SLCO2A1: variants seen among roughly 807,000 people sequenced by gnomAD.
The protein encoded by SLCO2A1 is solute carrier organic anion transporter family member 2A1.
A neutral mutation model predicts 71.7 loss-of-function variants in SLCO2A1; 60 were observed. That is an observed-to-expected ratio of 0.84 (90% CI 0.68 to 1.04). SLCO2A1 has a LOEUF of 1.04. SLCO2A1 is among the 50% of genes least tolerant of loss of function. The pLI is 0.00. For missense variants in SLCO2A1, 745 were observed against 813.4 expected (o/e 0.92, Z 1.02); for synonymous variants, 308 against 326.7 (o/e 0.94, Z 0.62).
At chr3:133,961,111 G>A (rs899663305) in intron 3 of SLCO2A1, among the ~76,000 whole-genome samples, 10 of 152,060 alleles carry the variant, frequency 6.6e-5, no homozygotes, top group African/African-American at 2.4e-4. Flanking sequence ...AAAATCATGA[G>A]GGGTCAGTGC....
chr3:133,959,596 G>A (rs114673329), intron 3 of SLCO2A1, among the ~76,000 whole-genome samples: 2 of 152,182 alleles, frequency 1.3e-5, no homozygotes, highest in South Asian at 2.1e-4. Context: ...AGGCCAAGAG[G>A]GGCAGATTGC....
In SLCO2A1 at chr3:133,985,664, T is replaced by A. The variant is rs536730371; in HGVS notation, c.97-6046A>T. On this transcript the variant is annotated intron_variant, in intron 1 of 13. Coordinates refer to ENST00000310926, the MANE Select transcript of SLCO2A1 (RefSeq NM_005630.3). ...ATTTCCTCCCACCAGAATATAGACT[T>A]CATGGTGGAAATACAATGTGTGTTT... Among the ~76,000 whole-genome samples, 3 of 152,334 alleles carry A rather than the reference T, an allele frequency of 2.0e-5. No homozygotes were observed. In the South Asian group the frequency reaches 6.2e-4, roughly 32 times the overall value.
At chr3:134,027,502 A>G in intron 1 of SLCO2A1, among the ~76,000 whole-genome samples, 1 of 152,182 alleles carries the variant, frequency 6.6e-6, no homozygotes, top group East Asian at 1.9e-4. Flanking sequence ...TAGAGTTGTG[A>G]GCCCTTAAAA....
At chr3:134,000,615 G>C (rs1935087307) in intron 1 of SLCO2A1, among the ~76,000 whole-genome samples, 1 of 152,140 alleles carries the variant, frequency 6.6e-6, no homozygotes, top group Non-Finnish European at 1.5e-5. Flanking sequence ...TCTAGGAAAA[G>C]GCAGCCTCAC....
chr3:133,974,749 C>T (rs1291548821), intron 2 of SLCO2A1, among the ~76,000 whole-genome samples: 4 of 152,160 alleles, frequency 2.6e-5, no homozygotes, highest in South Asian at 2.1e-4. Flanking sequence ...CTTCTGACCA[C>T]GTCTCCACCA....
chr3:133,935,806 G>T lies in SLCO2A1; in HGVS notation c.1782C>A (p.Cys594Ter). 6.2e-7 allele frequency: 1 copy of T among 1,609,964 alleles called. No homozygotes were observed. Among genetic ancestry groups the T allele is most frequent in the South Asian group, 1.1e-5 (1 of 90,206 alleles). The change falls in exon 13 of 14, where the codon TGC becomes TGA. Residue 594 changes from cysteine (C) to a stop codon, truncating the protein, a stop_gained. Coordinates refer to ENST00000310926, the MANE Select transcript of SLCO2A1 (RefSeq NM_005630.3). LOFTEE classifies it high-confidence loss of function. ...GGAGAGCATCGTTGTCATAGTAGGC[G>T]CAGGCCCCTCGCCTCCCCAAGCACA... Reference protein sequence around the residue: ...NSLCLGRRGACAYYDNDALRD... With the variant: ...NSLCLGRRGA
At chr3:134,027,214 T>C (rs1156685019) in intron 1 of SLCO2A1, among the ~76,000 whole-genome samples, 1 of 152,178 alleles carries the variant, frequency 6.6e-6, no homozygotes, top group South Asian at 2.1e-4. Flanking sequence ...TATTGTCTTA[T>C]GCCCAATTTC....
rs972574271 is a variant in SLCO2A1 at position 133,974,472 on chromosome 3, C to T, written c.235-647G>A. ...ACCAAGGCTTAACTAGAGTTGTCTG[C>T]CACCTCTTGGAGAAGAGGGTTTCTG... is the stretch of plus-strand genomic sequence containing the variant. On this transcript the variant is annotated intron_variant, in intron 2 of 13. Transcript: ENST00000310926. Among the ~76,000 whole-genome samples the T allele has an allele frequency of 7.9e-5, 12 of 152,230 alleles. 1 individual carries two copies. The highest frequency in any genetic ancestry group is 5.8e-4 in the East Asian group (3 of 5,198).
In SLCO2A1 at chr3:133,959,397, CA is replaced by C. The variant is rs112457858; in HGVS notation, c.398-4205del. On this transcript the variant is annotated intron_variant, in intron 3 of 13. Coordinates refer to ENST00000310926, the MANE Select transcript of SLCO2A1 (RefSeq NM_005630.3). ...TCATACCCATCAGGATGGCTATTAC[CA>C]AAAAAAAAAAAAACAGAAAACGAGT... 4.7e-3 allele frequency among the ~76,000 whole-genome samples: 581 copies of C among 123,828 alleles called. 3 individuals carry two copies. The highest frequency in any genetic ancestry group is 6.0e-3 in the Admixed American group (73 of 12,140). 81.2% of individuals were successfully genotyped at this position (123,828 alleles called of 152,430 possible). A position where few individuals can be genotyped will look rare whatever the true frequency, so the allele number is the denominator to read the frequency against.
intron 8 of SLCO2A1, 37 bp downstream of exon 8, chr3:133,948,499 C>A (rs751295045): frequency 3.1e-6 from 5 of 1,588,964 alleles, no homozygotes; most frequent in Admixed American, 3.4e-5. Flanking sequence ...CTGGCCCAGG[C>A]AAGCCCTGCG....
intron 1 of SLCO2A1, among the ~76,000 whole-genome samples, chr3:133,992,920 A>T (rs35105748): frequency 0.083 from 12,368 of 149,702 alleles, 616 homozygotes; most frequent in East Asian, 0.2. Context: ...AGATGTCATG[A>T]GTGTGGGTGC....
At chr3:133,963,881 C>T (rs1031054249) in intron 3 of SLCO2A1, among the ~76,000 whole-genome samples, 1 of 152,190 alleles carries the variant, frequency 6.6e-6, no homozygotes, top group African/African-American at 2.4e-5. Flanking sequence ...CTGGCAACAC[C>T]CACTGGCAGG....
intron 1 of SLCO2A1, among the ~76,000 whole-genome samples, chr3:134,001,660 A>G (rs1354279749): frequency 6.6e-6 from 1 of 152,146 alleles, no homozygotes; most frequent in Non-Finnish European, 1.5e-5. Context: ...AAGGTGGGAG[A>G]AACGGAATGA....
intron 10 of SLCO2A1, among the ~76,000 whole-genome samples, chr3:133,944,123 G>C (rs1219035380): frequency 6.6e-6 from 1 of 152,144 alleles, no homozygotes; most frequent in Non-Finnish European, 1.5e-5. Flanking sequence ...ACTTGTACTT[G>C]CTGCTCCCTT....
At chr3:133,944,356 C>T in intron 10 of SLCO2A1, among the ~76,000 whole-genome samples, 1 of 152,244 alleles carries the variant, frequency 6.6e-6, no homozygotes, top group Non-Finnish European at 1.5e-5. Flanking sequence ...ATCCTCAGCA[C>T]TCACGGCTGT....
In SLCO2A1 at chr3:133,945,014, G is replaced by A. The variant is rs1022535119; in HGVS notation, c.1461+81C>T. The stretch of plus-strand genomic sequence containing the variant: ...GTGGAGCCCTGCCTATCCTGGAGCC[G>A]AGAAACAGTCTTTGAGGGCATGCGC... On this transcript the variant is annotated intron_variant, in intron 10 of 13. Transcript: ENST00000310926. 99 of 1,486,606 alleles carry A rather than the reference G, an allele frequency of 6.7e-5. 1 individual carries two copies. Among genetic ancestry groups the A allele is most frequent in the Non-Finnish European group, 7.6e-5 (84 of 1,102,696 alleles). 92.1% of individuals were successfully genotyped at this position (1,486,606 alleles called of 1,614,324 possible).
rs766358981 is a variant in SLCO2A1, at chr3:133,942,798, G to A, written c.1462-30C>T. 2.5e-5 allele frequency: 39 copies of A among 1,574,336 alleles called. No homozygotes were observed. The South Asian group carries it at 3.1e-4, about 12-fold the overall frequency. ...AAGAGGAAGGGGAGGGAAAAAGGGGGAAATTTGTTATTATTTCACTTTCAC... is the reference window on the plus strand; with the variant it reads ...AAGAGGAAGGGGAGGGAAAAAGGGGAAAATTTGTTATTATTTCACTTTCAC... On this transcript the variant is annotated intron_variant, in intron 10 of 13. Transcript: ENST00000310926.
intron 3 of SLCO2A1, among the ~76,000 whole-genome samples, chr3:133,965,626 A>AGTGGTTGGAAGGGTGATACCTG (rs1553754860): frequency 6.6e-6 from 1 of 151,826 alleles, no homozygotes; most frequent in Admixed American, 6.6e-5. Flanking sequence ...TCAGCTAGTC[A>AGTGGTTGGAAGGGTGATACCTG]GCTTGGCACA....
At chr3:133,967,934 A>C (rs1208636503) in intron 3 of SLCO2A1, among the ~76,000 whole-genome samples, 1 of 56,016 alleles carries the variant, frequency 1.8e-5, no homozygotes, top group Admixed American at 2.3e-4. Flanking sequence ...CATACCCCCC[A>C]CACATGTGAA....
Sources: gnomAD v4.1 joint callset for allele counts (sites outside exome capture counted in the v4.1 genomes callset) on GRCh38, gnomAD v4.1.1 for gene constraint, MANE v1.5 for transcripts, NCBI Gene and HGNC (gene_info 2026-07-23, HGNC 2026-07-21) for gene names.